Variants in RCC1 observed in about 807,000 individuals in gnomAD.
RCC1 encodes regulator of chromosome condensation.
In RCC1, 11 loss-of-function variants were observed where a neutral mutation model predicts 44.4. The observed-to-expected ratio is 0.25, with a 90% CI of 0.16 to 0.41. The LOEUF (loss-of-function observed/expected upper bound fraction) is 0.41, where lower values mean the gene tolerates loss of function less well. Ranked by LOEUF, RCC1 falls within the 10% of genes least tolerant of loss-of-function variation. The probability of loss-of-function intolerance (pLI) is 1.00; values close to 1 mark genes in which losing one functional copy is unlikely to be tolerated. For missense variants in RCC1, 386 were observed against 547.1 expected, an observed-to-expected ratio of 0.71 and a Z score of 2.94; for synonymous variants, 213 against 216.5, an observed-to-expected ratio of 0.98 and a Z score of 0.14.
chr1:28,530,814 C>T (rs548757014), intron 5 of RCC1, among the ~76,000 whole-genome samples: 1 of 152,200 alleles, frequency 6.6e-6, no homozygotes, highest in African/African-American at 2.4e-5. Flanking sequence ...TCCTGCCTCT[C>T]CACTGGATGG....
At chr1:28,511,423 G>T (rs1423343157) in intron 3 of RCC1, among the ~76,000 whole-genome samples, 1 of 141,330 alleles carries the variant, frequency 7.1e-6, no homozygotes. Flanking sequence ...TTTTTTGAGA[G>T]GGAGTCTCGC....
Position 28,536,938 on chromosome 1 carries a change from G to A in RCC1, c.1090+39G>A. The A allele has an allele frequency of 1.2e-6, 2 of 1,610,176 alleles. No homozygotes were observed. The highest frequency in any genetic ancestry group is 1.7e-6 in the Non-Finnish European group (2 of 1,177,228). On this transcript the variant is annotated intron_variant, in intron 12 of 12. Coordinates refer to ENST00000683442, the MANE Select transcript of RCC1 (RefSeq NM_001381865.2). The surrounding 1 kb of genome is among the most constrained non-coding windows in gnomAD (Gnocchi z 4.9). ...CCTACACTCTGTCTAGTTGGGACCT[G>A]GGGGTCATGGTTCTTACCCAATTCC...
At chr1:28,506,494 G>C in intron 1 of RCC1, 1 of 319,100 alleles carries the variant, frequency 3.1e-6, no homozygotes, top group East Asian at 9.2e-5. Context: ...CGGAAATCAT[G>C]TAATTTAAAA....
chr1:28,507,658 A>G (rs2124592728), intron 1 of RCC1: 1 of 403,256 alleles, frequency 2.5e-6, no homozygotes, highest in African/African-American at 2.4e-5. Flanking sequence ...GCTGGAGTGC[A>G]GTGGCGCACT....
At chr1:28,511,838 A>AT (rs1022298622) in intron 3 of RCC1, among the ~76,000 whole-genome samples, 1 of 144,000 alleles carries the variant, frequency 6.9e-6, no homozygotes, top group South Asian at 2.2e-4. Context: ...TTTTTTTTGC[A>AT]TTTTTTAGTA....
intron 4 of RCC1, among the ~76,000 whole-genome samples, chr1:28,523,309 G>A (rs1225552543): frequency 2.0e-5 from 3 of 152,046 alleles, no homozygotes; most frequent in Non-Finnish European, 2.9e-5. Flanking sequence ...GTGAGCCACC[G>A]CGCCCGGCCA....
intron 9 of RCC1, 104 bp downstream of exon 9, chr1:28,535,484 G>A: frequency 6.4e-7 from 1 of 1,551,556 alleles, no homozygotes; most frequent in Non-Finnish European, 8.7e-7. Flanking sequence ...CATCAGATGG[G>A]CTTGTGGTGT....
chr1:28,527,147 A>G, intron 4 of RCC1: 1 of 1,272,100 alleles, frequency 7.9e-7, no homozygotes, highest in Non-Finnish European at 1.1e-6. Flanking sequence ...TGAGGGCTGC[A>G]GTGGCAGAAA....
chr1:28,533,332 G>A (rs528855586), intron 7 of RCC1, among the ~76,000 whole-genome samples: 29 of 151,806 alleles, frequency 1.9e-4, no homozygotes, highest in Non-Finnish European at 4.1e-4. Context: ...TTAGCCAAGC[G>A]TGGTGGCGGG....
rs1437995943 is a variant in RCC1, at chr1:28,536,304, C to T, written c.860C>T (p.Thr287Ile). 6.2e-7 allele frequency: 1 copy of T among 1,614,058 alleles called. No individual in the cohort carries two copies. Among genetic ancestry groups the T allele is most frequent in the Non-Finnish European group, 8.5e-7 (1 of 1,180,008 alleles). Reference sequence around the variant, plus strand: ...TCTTGCTTCATACCCCAGAACCTAACATCCTTCAAGAATTCCACCAAGTCC... The same window carrying T: ...TCTTGCTTCATACCCCAGAACCTAATATCCTTCAAGAATTCCACCAAGTCC... ...TESCFIPQNL[T>I]SFKNSTKSWV... Residue 287 changes from threonine to isoleucine, a missense_variant, in exon 11 of 13, where the codon ACA becomes ATA. By Grantham distance (89) the Thr-to-Ile change is moderately conservative. Coordinates refer to ENST00000683442, the MANE Select transcript of RCC1 (RefSeq NM_001381865.2). This position sits in a 1 kb window ranked among gnomAD's most constrained non-coding sequence, Gnocchi z 4.9.
chr1:28,532,994 T>C (rs1330218498), intron 7 of RCC1, among the ~76,000 whole-genome samples: 1 of 151,904 alleles, frequency 6.6e-6, no homozygotes, highest in Non-Finnish European at 1.5e-5. Context: ...TTTGTATTTT[T>C]AGTAGAGACG....
intron 4 of RCC1, among the ~76,000 whole-genome samples, chr1:28,529,600 C>T (rs1663973531): frequency 1.3e-5 from 2 of 151,912 alleles, no homozygotes; most frequent in African/African-American, 2.4e-5. Context: ...ATGAATATAC[C>T]ACATATTTAG....
At chr1:28,512,604 CCTTT>C (rs1372524686) in intron 3 of RCC1, among the ~76,000 whole-genome samples, 10 of 152,042 alleles carry the variant, frequency 6.6e-5, no homozygotes, top group South Asian at 2.1e-4. Flanking sequence ...TGATTGGAGA[CCTTT>C]CTTTTTTTCT....
Position 28,511,667 on chromosome 1 carries a change from CTTTTT to C in RCC1, c.-153+2770_-153+2774del, listed in dbSNP as rs1372445552. Reference sequence around the variant, plus strand: ...TACAGGCGTCAGCCACCATGCCCAGCTTTTTTTTTTTTGAGATCTAATCTCACTCT... The same window carrying C: ...TACAGGCGTCAGCCACCATGCCCAGCTTTTTTTGAGATCTAATCTCACTCT... On this transcript the variant is annotated intron_variant, in intron 3 of 12. Transcript: ENST00000683442. Among the ~76,000 whole-genome samples the C allele has an allele frequency of 5.3e-3, 763 of 145,212 alleles. 5 individuals carry two copies. The highest frequency in any genetic ancestry group is 0.018 in the African/African-American group (715 of 39,936).
chr1:28,532,584 G>C, intron 7 of RCC1: 1 of 541,176 alleles, frequency 1.8e-6, no homozygotes, highest in Non-Finnish European at 3.4e-6. Flanking sequence ...GAAGTGAGTG[G>C]GTCAAGGATG....
chr1:28,535,511 G>C, intron 9 of RCC1, 131 bp downstream of exon 9: 2 of 1,405,998 alleles, frequency 1.4e-6, no homozygotes, highest in South Asian at 2.5e-5. Flanking sequence ...GGACTTTGGA[G>C]ACAGACTGCT....
intron 1 of RCC1, chr1:28,507,589 T>C (rs999684198): frequency 2.1e-6 from 1 of 478,128 alleles, no homozygotes; most frequent in African/African-American, 2.1e-5. Context: ...GCACTGAATC[T>C]GGATTGAAGT....
chr1:28,509,844 A>G (rs1662368457), intron 3 of RCC1: 1 of 152,190 alleles, frequency 6.6e-6, no homozygotes, highest in Admixed American at 6.6e-5. Flanking sequence ...GTCTGGGTTG[A>G]GTGCAAGATG....
rs1273966540 is a variant in RCC1 at position 28,508,153 on chromosome 1, C to T, written c.-236C>T. 1 of 445,146 alleles carries T rather than the reference C, an allele frequency of 2.2e-6. No homozygotes were observed. The highest frequency in any genetic ancestry group is 2.4e-5 in the Admixed American group (1 of 41,958). 27.6% of individuals were successfully genotyped at this position (445,146 alleles called of 1,614,324 possible). A position where few individuals can be genotyped will look rare whatever the true frequency, so the allele number is the denominator to read the frequency against. The stretch of plus-strand genomic sequence containing the variant: ...GATTTGTTAAGGATTCCAAGTAACT[C>T]TTATTTGGTGAGTAAATCTGCTAAT... On this transcript the variant is annotated 5_prime_UTR_variant, in exon 2 of 13. Coordinates refer to ENST00000683442, the MANE Select transcript of RCC1 (RefSeq NM_001381865.2).
Sources: allele counts gnomAD v4.1 joint callset (sites outside exome capture counted in the v4.1 genomes callset), GRCh38; gene constraint gnomAD v4.1.1; non-coding constraint Gnocchi (gnomAD v3.1); transcripts MANE v1.5; gene names NCBI Gene and HGNC (gene_info 2026-07-23, HGNC 2026-07-21).